The following NRXN1 variants were observed in gnomAD, a reference collection of about 807,000 sequenced individuals.
The protein encoded by NRXN1 is neurexin 1.
NRXN1 carries 39 observed loss-of-function variants against 150.9 expected under a neutral mutation model. That is an observed-to-expected ratio of 0.26 (90% CI 0.20 to 0.34). The LOEUF (loss-of-function observed/expected upper bound fraction) is 0.34. Ranked by LOEUF, NRXN1 falls within the 10% of genes least tolerant of loss-of-function variation. The pLI is 1.00. For missense variants in NRXN1, 1,815 were observed against 1,949.9 expected, an observed-to-expected ratio of 0.93 and a Z score of 1.30; for synonymous variants, 924 against 757.0, an observed-to-expected ratio of 1.22 and a Z score of -3.62.
At chr2:50,727,047 T>C (rs1232201977) in intron 5 of NRXN1, among the ~76,000 whole-genome samples, 1 of 151,988 alleles carries the variant, frequency 6.6e-6, no homozygotes, top group African/African-American at 2.4e-5. Context: ...TTGGAGCTCA[T>C]GGATTTGGAA....
chr2:50,211,482 C>A (rs1316126973), intron 18 of NRXN1, among the ~76,000 whole-genome samples: 1 of 151,290 alleles, frequency 6.6e-6, no homozygotes, highest in Admixed American at 6.6e-5. Flanking sequence ...GAATTATAAA[C>A]CTTGTAATTT....
At chr2:50,006,700 T>C (rs779851609) in intron 21 of NRXN1, among the ~76,000 whole-genome samples, 12 of 152,182 alleles carry the variant, frequency 7.9e-5, no homozygotes, top group Non-Finnish European at 1.6e-4. Flanking sequence ...AATTTTAGAT[T>C]TTTTTGCTCC....
At chr2:50,199,561 C>CAT (rs2062015021) in intron 18 of NRXN1, among the ~76,000 whole-genome samples, 1 of 150,558 alleles carries the variant, frequency 6.6e-6, no homozygotes, top group South Asian at 2.1e-4. Flanking sequence ...CACACACACA[C>CAT]ACACACATGC....
At chr2:50,880,472 C>T (rs1679273545) in intron 5 of NRXN1, among the ~76,000 whole-genome samples, 2 of 151,980 alleles carry the variant, frequency 1.3e-5, no homozygotes, top group African/African-American at 4.8e-5. Flanking sequence ...CATATAAGCT[C>T]TATTAACCAC....
chr2:50,981,383 A>C (rs1419018045), intron 2 of NRXN1, among the ~76,000 whole-genome samples: 1 of 142,678 alleles, frequency 7.0e-6, no homozygotes. Context: ...ACTTGAACGC[A>C]GGAGGCAGAG....
intron 5 of NRXN1, among the ~76,000 whole-genome samples, chr2:50,910,546 A>G (rs1451764084): frequency 1.3e-5 from 2 of 151,918 alleles, no homozygotes; most frequent in Non-Finnish European, 2.9e-5. Context: ...TTGTGCAACA[A>G]GATTTCCTCA....
At chr2:50,120,488 T>C (rs532855433) in intron 18 of NRXN1, among the ~76,000 whole-genome samples, 130 of 152,310 alleles carry the variant, frequency 8.5e-4, no homozygotes, top group Middle Eastern at 3.4e-3. Context: ...AACTTCATCT[T>C]CAAAACTTTT....
In NRXN1 at chr2:51,028,275, C is replaced by A; in HGVS notation, c.-2G>T. The A allele has an allele frequency of 4.2e-6, 6 of 1,441,034 alleles. No homozygotes were observed. The highest frequency in any genetic ancestry group is 5.4e-6 in the Non-Finnish European group (6 of 1,102,480). The allele number at this position is 1,441,034 out of a possible 1,614,324, so 89.3% of individuals were successfully genotyped here. On this transcript the variant is annotated 5_prime_UTR_variant, in exon 2 of 23. Coordinates refer to ENST00000401669, the MANE Select transcript of NRXN1 (RefSeq NM_001330078.2). ...GCGCTGGAGCAGCGCCGTCCCCATG[C>A]TCGGGGCTGGGGTGCGGCGGGGGGG... is the stretch of plus-strand genomic sequence containing the variant.
chr2:50,685,000 T>C (rs1019974913), intron 5 of NRXN1, among the ~76,000 whole-genome samples: 6 of 152,190 alleles, frequency 3.9e-5, no homozygotes, highest in African/African-American at 1.2e-4. Flanking sequence ...GAAATAAAAG[T>C]AGTCAAATGG....
intron 5 of NRXN1, among the ~76,000 whole-genome samples, chr2:50,745,855 A>T (rs1270032658): frequency 6.6e-6 from 1 of 152,078 alleles, no homozygotes; most frequent in African/African-American, 2.4e-5. Context: ...GGTCCCTTTC[A>T]TCACACGTGG....
At chr2:49,999,586 A>C (rs1683567779) in intron 21 of NRXN1, among the ~76,000 whole-genome samples, 1 of 152,172 alleles carries the variant, frequency 6.6e-6, no homozygotes, top group Admixed American at 6.6e-5. Flanking sequence ...TTTTCAAATA[A>C]GTAATCAGGA....
intron 5 of NRXN1, among the ~76,000 whole-genome samples, chr2:50,826,192 C>T (rs1170081405): frequency 6.6e-6 from 1 of 151,984 alleles, no homozygotes; most frequent in Non-Finnish European, 1.5e-5. Flanking sequence ...ATTAGATGGG[C>T]TAATTGGAAC....
chr2:50,620,851 T>A, intron 7 of NRXN1: 1 of 239,810 alleles, frequency 4.2e-6, no homozygotes, highest in Non-Finnish European at 8.0e-6. Context: ...TGAGTGGGTG[T>A]GGCATCTCCA....
At chr2:50,371,065 T>C (rs1169314772) in intron 17 of NRXN1, among the ~76,000 whole-genome samples, 1 of 152,056 alleles carries the variant, frequency 6.6e-6, no homozygotes, top group African/African-American at 2.4e-5. Context: ...TATATATATA[T>C]GTAAGTATAA....
intron 22 of NRXN1, among the ~76,000 whole-genome samples, chr2:49,938,312 G>A (rs1671401620): frequency 6.6e-6 from 1 of 152,162 alleles, no homozygotes. Flanking sequence ...AATAATGTTT[G>A]TAAAGGACTA....
intron 18 of NRXN1, among the ~76,000 whole-genome samples, chr2:50,150,303 G>A (rs975458900): frequency 3.2e-4 from 49 of 151,766 alleles, no homozygotes; most frequent in African/African-American, 1.1e-3. Flanking sequence ...TATTAAGGAG[G>A]TTTTACCAGC....
At chr2:50,927,818 T>A (rs2352541) in intron 2 of NRXN1, among the ~76,000 whole-genome samples, 52,553 of 151,638 alleles carry the variant, frequency 0.35, 10,490 homozygotes, top group Non-Finnish European at 0.46. Context: ...CGGGCAAATA[T>A]GGTTGTGAGG....
chr2:50,718,948 T>A (rs1444803893), intron 5 of NRXN1, among the ~76,000 whole-genome samples: 1 of 151,520 alleles, frequency 6.6e-6, no homozygotes, highest in Non-Finnish European at 1.5e-5. Flanking sequence ...GCGTTGCAAA[T>A]ATGTTAGTTT....
intron 2 of NRXN1, among the ~76,000 whole-genome samples, chr2:50,942,828 G>C (rs1287960007): frequency 6.6e-6 from 1 of 152,282 alleles, no homozygotes; most frequent in African/African-American, 2.4e-5. Flanking sequence ...AATGAGTTAA[G>C]GTCTTGGGGG....
Sources: allele counts gnomAD v4.1 joint callset (sites outside exome capture counted in the v4.1 genomes callset), GRCh38; gene constraint gnomAD v4.1.1; transcripts MANE v1.5; gene names NCBI Gene and HGNC (gene_info 2026-07-23, HGNC 2026-07-21).